The following GPC5 variants were observed in gnomAD, a reference collection of about 807,000 sequenced individuals.
The protein encoded by GPC5 is glypican-5.
GPC5 carries 47 observed loss-of-function variants against 53.9 expected under a neutral mutation model. The observed-to-expected ratio is 0.87, with a 90% confidence interval of 0.69 to 1.11. The LOEUF is 1.11. GPC5 is among the 50% of genes most tolerant of loss of function. The pLI is 0.00. For missense variants in GPC5, 748 were observed against 713.1 expected, an observed-to-expected ratio of 1.05 and a Z score of -0.56; for synonymous variants, 286 against 263.3, an observed-to-expected ratio of 1.09 and a Z score of -0.84.
rs775769934 is a variant in GPC5, at chr13:92,322,799, T to G, written c.1561+177810T>G. 1.6e-4 allele frequency among the ~76,000 whole-genome samples: 25 copies of G among 152,062 alleles called. 1 individual carries two copies. Among genetic ancestry groups the G allele is most frequent in the Non-Finnish European group, 2.8e-4 (19 of 68,006 alleles). On this transcript the variant is annotated intron_variant, in intron 7 of 7. Transcript: ENST00000377067. ...AAGACTCAATTTACCCTCTAATGAGTTTTGCCACATCAGGTAATTATTTAA... is the reference window on the plus strand; with the variant it reads ...AAGACTCAATTTACCCTCTAATGAGGTTTGCCACATCAGGTAATTATTTAA...
intron 6 of GPC5, among the ~76,000 whole-genome samples, chr13:91,973,793 A>G (rs1335347507): frequency 6.6e-6 from 1 of 152,150 alleles, no homozygotes; most frequent in African/African-American, 2.4e-5. Context: ...TGGCTGTAGA[A>G]CAGTGGATTT....
chr13:92,783,771 A>G (rs1876116156), intron 7 of GPC5, among the ~76,000 whole-genome samples: 1 of 152,190 alleles, frequency 6.6e-6, no homozygotes, highest in African/African-American at 2.4e-5. Flanking sequence ...ATCCCATATG[A>G]CATCTTAGGA....
chr13:92,190,849 T>C (rs2042218257), intron 7 of GPC5, among the ~76,000 whole-genome samples: 2 of 151,986 alleles, frequency 1.3e-5, no homozygotes, highest in South Asian at 4.1e-4. Flanking sequence ...ACAAATACGG[T>C]AGGTTTTACT....
intron 4 of GPC5, among the ~76,000 whole-genome samples, chr13:91,731,067 G>A (rs922095346): frequency 6.6e-6 from 1 of 152,202 alleles, no homozygotes. Flanking sequence ...CATGGACTGG[G>A]AAAGTTTTTG....
At chr13:92,840,068 T>G (rs930987193) in intron 7 of GPC5, among the ~76,000 whole-genome samples, 1 of 128,484 alleles carries the variant, frequency 7.8e-6, no homozygotes, top group Non-Finnish European at 1.6e-5. Flanking sequence ...TTATTCTTCA[T>G]ATATACATAC....
intron 7 of GPC5, among the ~76,000 whole-genome samples, chr13:92,416,280 G>A (rs79999966): frequency 0.012 from 1,782 of 152,210 alleles, 15 homozygotes; most frequent in Middle Eastern, 0.024. Flanking sequence ...ATGGTCACCC[G>A]ACAATGTTTG....
In GPC5 at chr13:91,797,959, G is replaced by A. The variant is rs562023568; in HGVS notation, c.1280+41539G>A. Among the ~76,000 whole-genome samples, 98 of 152,264 alleles carry A rather than the reference G, an allele frequency of 6.4e-4. 1 individual carries two copies. Among genetic ancestry groups the A allele is most frequent in the African/African-American group, 2.3e-3 (95 of 41,546 alleles). ...GGAAAGGGATAAGTAAGTGCACATTGTTGGGCGCAGAGTAAATAGGAAAGT... is the reference window on the plus strand; with the variant it reads ...GGAAAGGGATAAGTAAGTGCACATTATTGGGCGCAGAGTAAATAGGAAAGT... On this transcript the variant is annotated intron_variant, in intron 5 of 7. Transcript: ENST00000377067.
intron 3 of GPC5, among the ~76,000 whole-genome samples, chr13:91,715,902 T>G (rs1386627680): frequency 6.6e-6 from 1 of 152,022 alleles, no homozygotes; most frequent in Non-Finnish European, 1.5e-5. Flanking sequence ...GCCTCCTGAA[T>G]AGCTGGGACT....
chr13:92,156,473 G>A (rs2041946057), intron 7 of GPC5, among the ~76,000 whole-genome samples: 1 of 152,008 alleles, frequency 6.6e-6, no homozygotes, highest in Non-Finnish European at 1.5e-5. Flanking sequence ...TGTTTCTTCT[G>A]CACACATGCT....
chr13:92,110,604 G>C (rs775149319), intron 6 of GPC5, among the ~76,000 whole-genome samples: 1 of 151,894 alleles, frequency 6.6e-6, no homozygotes, highest in Non-Finnish European at 1.5e-5. Context: ...CCATTTAGTA[G>C]TTTGTAATTT....
At chr13:91,649,732 T>C (rs2034650496) in intron 2 of GPC5, among the ~76,000 whole-genome samples, 1 of 152,136 alleles carries the variant, frequency 6.6e-6, no homozygotes, top group South Asian at 2.1e-4. Context: ...CATGACTGGA[T>C]AAATCTTTTA....
intron 3 of GPC5, among the ~76,000 whole-genome samples, chr13:91,697,780 A>C (rs1335749491): frequency 6.6e-6 from 1 of 152,148 alleles, no homozygotes; most frequent in African/African-American, 2.4e-5. Flanking sequence ...AACTTATTAA[A>C]GGCATAAGAA....
intron 2 of GPC5, among the ~76,000 whole-genome samples, chr13:91,599,900 A>G (rs1452794684): frequency 6.6e-6 from 1 of 152,190 alleles, no homozygotes; most frequent in Non-Finnish European, 1.5e-5. Context: ...TCTTTATGAA[A>G]AGATAAGCAT....
At chr13:92,171,136 T>C (rs2042067773) in intron 7 of GPC5, among the ~76,000 whole-genome samples, 1 of 152,110 alleles carries the variant, frequency 6.6e-6, no homozygotes, top group Non-Finnish European at 1.5e-5. Flanking sequence ...CTGCCTCCAT[T>C]CCTGCTCACC....
At chr13:91,791,693 T>C (rs958926600) in intron 5 of GPC5, among the ~76,000 whole-genome samples, 2 of 149,038 alleles carry the variant, frequency 1.3e-5, no homozygotes, top group African/African-American at 2.5e-5. Flanking sequence ...AGCTCTCCGT[T>C]GTAAAATTGA....
intron 7 of GPC5, among the ~76,000 whole-genome samples, chr13:92,841,346 AAGC>A (rs1487552468): frequency 1.3e-5 from 2 of 152,166 alleles, no homozygotes; most frequent in African/African-American, 2.4e-5. Flanking sequence ...TTTTTCCATG[AAGC>A]AGCAGAAGTG....
chr13:92,170,093 C>A (rs1472096451), intron 7 of GPC5, among the ~76,000 whole-genome samples: 19 of 151,614 alleles, frequency 1.3e-4, no homozygotes, highest in Admixed American at 1.2e-3. Flanking sequence ...CAGTGGCATG[C>A]TAAATTTGCA....
At chr13:91,978,891 G>A (rs2040332407) in intron 6 of GPC5, among the ~76,000 whole-genome samples, 1 of 152,140 alleles carries the variant, frequency 6.6e-6, no homozygotes, top group South Asian at 2.1e-4. Flanking sequence ...AAATGAAGAG[G>A]ACTTGGAAGA....
At chr13:92,422,488 TCACACACACA>T (rs6145177) in intron 7 of GPC5, among the ~76,000 whole-genome samples, 103 of 133,388 alleles carry the variant, frequency 7.7e-4, no homozygotes, top group East Asian at 1.2e-3. Flanking sequence ...CATCACCATC[TCACACACACA>T]CACACACACA....
Sources: allele counts gnomAD v4.1 joint callset (sites outside exome capture counted in the v4.1 genomes callset), GRCh38; gene constraint gnomAD v4.1.1; transcripts MANE v1.5; gene names NCBI Gene and HGNC (gene_info 2026-07-23, HGNC 2026-07-21).